Variants in PRKD1 observed in about 807,000 individuals in gnomAD.
The protein encoded by PRKD1 is serine/threonine-protein kinase D1.
PRKD1 carries 63 observed loss-of-function variants against 95.9 expected under a neutral mutation model. The ratio of observed to expected loss-of-function variants is 0.66; its 90% CI spans 0.54 to 0.81. The LOEUF (loss-of-function observed/expected upper bound fraction) is 0.81, where lower values mean the gene tolerates loss of function less well. PRKD1 is among the 30% of genes least tolerant of loss of function. The pLI, the probability that PRKD1 is intolerant of heterozygous loss-of-function variation, is 0.00. For synonymous variants in PRKD1, 425 were observed against 423.1 expected (o/e 1.00, Z -0.05); for missense variants, 1,048 against 1,165.3 (o/e 0.90, Z 1.47).
chr14:29,674,833 A>T (rs572927822), intron 2 of PRKD1, among the ~76,000 whole-genome samples: 37 of 152,340 alleles, frequency 2.4e-4, no homozygotes, highest in African/African-American at 8.2e-4. Context: ...GACAAATAGC[A>T]TCACTGTTGT....
intron 1 of PRKD1, among the ~76,000 whole-genome samples, chr14:29,731,567 CT>C (rs1886437333): frequency 6.6e-6 from 1 of 151,872 alleles, no homozygotes; most frequent in Non-Finnish European, 1.5e-5. Flanking sequence ...ATTTTTTTCT[CT>C]TTTTCCTTTC....
At chr14:29,781,991 G>C (rs555408323) in intron 1 of PRKD1, among the ~76,000 whole-genome samples, 6 of 152,256 alleles carry the variant, frequency 3.9e-5, no homozygotes, top group Admixed American at 3.9e-4. Context: ...ATCTTGTCAA[G>C]AATATCCATA....
intron 16 of PRKD1, among the ~76,000 whole-genome samples, chr14:29,585,621 C>G (rs2138968248): frequency 6.6e-6 from 1 of 152,142 alleles, no homozygotes; most frequent in South Asian, 2.1e-4. Context: ...TTTTAATGAA[C>G]TAGGCATATG....
At chr14:29,666,708 C>G (rs1195171167) in intron 2 of PRKD1, among the ~76,000 whole-genome samples, 1 of 151,946 alleles carries the variant, frequency 6.6e-6, no homozygotes, top group African/African-American at 2.4e-5. Context: ...TGAGTGGCTT[C>G]CTTATATAGG....
chr14:29,864,053 T>C (rs892830958), intron 1 of PRKD1, among the ~76,000 whole-genome samples: 9 of 152,116 alleles, frequency 5.9e-5, no homozygotes, highest in Non-Finnish European at 8.8e-5. Context: ...AAGGTATCAG[T>C]TAAAGCATAA....
intron 1 of PRKD1, among the ~76,000 whole-genome samples, chr14:29,763,212 G>A (rs1047011129): frequency 2.7e-4 from 40 of 149,762 alleles, no homozygotes; most frequent in African/African-American, 9.4e-4. Flanking sequence ...TGGGGGAAAC[G>A]GTTGAGCCCA....
chr14:29,663,720 A>T lies in PRKD1; in HGVS notation c.675T>A (p.Ser225Arg). The change falls in exon 4 of 18, where the codon AGT becomes AGA. Residue 225 changes from serine to arginine, a missense_variant. Physicochemically the swap from Ser to Arg is moderately radical, Grantham distance 110. Around this residue, in one of 3 missense-constraint regions of PRKD1, gnomAD observed 275 missense variants for 248.6 expected, o/e 1.11. Coordinates refer to ENST00000331968, the MANE Select transcript of PRKD1 (RefSeq NM_002742.3). The stretch of plus-strand genomic sequence containing the variant: ...ATACCAGAAGGGGCTCATCAGGGGC[A>T]CTTGTAGAGAGTTCAGCAGATGATG... ...IRTSSAELSTSAPDEPLLQKS... is the reference protein window; with the variant it reads ...IRTSSAELSTRAPDEPLLQKS... 1 of 1,613,838 alleles carries T rather than the reference A, an allele frequency of 6.2e-7. No individual in the cohort carries two copies.
At chr14:29,587,299 G>A (rs1015465196) in intron 16 of PRKD1, among the ~76,000 whole-genome samples, 5 of 152,176 alleles carry the variant, frequency 3.3e-5, no homozygotes, top group African/African-American at 7.2e-5. Flanking sequence ...CTTGGGAGCC[G>A]TACAGGGGTT....
At chr14:29,755,633 C>T (rs374690045) in intron 1 of PRKD1, among the ~76,000 whole-genome samples, 1 of 152,158 alleles carries the variant, frequency 6.6e-6, no homozygotes, top group African/African-American at 2.4e-5. Context: ...TTGCTCCTAA[C>T]TCCTTGGCCT....
intron 16 of PRKD1, among the ~76,000 whole-genome samples, chr14:29,596,868 A>T (rs1163562953): frequency 2.0e-5 from 3 of 152,316 alleles, no homozygotes; most frequent in Non-Finnish European, 4.4e-5. Flanking sequence ...GTCCTTTAAG[A>T]GGAAGGAAAT....
intron 1 of PRKD1, among the ~76,000 whole-genome samples, chr14:29,877,380 C>T (rs1340680883): frequency 6.6e-6 from 1 of 152,184 alleles, no homozygotes; most frequent in Admixed American, 6.5e-5. Context: ...CTTACAGATG[C>T]TGGATATTAC....
At chr14:29,658,787 G>GTTTTAC (rs1389848767) in intron 4 of PRKD1, among the ~76,000 whole-genome samples, 2 of 152,162 alleles carry the variant, frequency 1.3e-5, no homozygotes, top group Non-Finnish European at 2.9e-5. Flanking sequence ...CCAGAATGAT[G>GTTTTAC]TGGCATATTA....
intron 1 of PRKD1, among the ~76,000 whole-genome samples, chr14:29,869,392 A>G (rs1377722383): frequency 6.6e-6 from 1 of 151,908 alleles, no homozygotes; most frequent in Non-Finnish European, 1.5e-5. Context: ...GCAAGCAGAG[A>G]TCGCACCATT....
chr14:29,762,968 T>G (rs894679091), intron 1 of PRKD1, among the ~76,000 whole-genome samples: 4 of 151,896 alleles, frequency 2.6e-5, no homozygotes, highest in Non-Finnish European at 4.4e-5. Context: ...GATCTTGAAC[T>G]CGTGGCCTCA....
intron 3 of PRKD1, 137 bp from the exon 4 acceptor site, chr14:29,663,996 T>C (rs916869296): frequency 1.9e-5 from 18 of 946,208 alleles, no homozygotes; most frequent in Middle Eastern, 3.4e-4. Context: ...ACATTTTCTT[T>C]TGAACATTCT....
chr14:29,882,089 C>T (rs548251321), intron 1 of PRKD1, among the ~76,000 whole-genome samples: 1 of 151,676 alleles, frequency 6.6e-6, no homozygotes, highest in South Asian at 2.1e-4. Context: ...CAGCTCAATC[C>T]CTGACACAAC....
intron 1 of PRKD1, among the ~76,000 whole-genome samples, chr14:29,748,023 C>T (rs972976812): frequency 3.9e-5 from 6 of 152,110 alleles, no homozygotes; most frequent in East Asian, 1.9e-4. Context: ...GGATTACAGA[C>T]GTGAGCCACC....
chr14:29,803,046 G>A (rs1435597727), intron 1 of PRKD1, among the ~76,000 whole-genome samples: 1 of 152,176 alleles, frequency 6.6e-6, no homozygotes, highest in Admixed American at 6.5e-5. Flanking sequence ...AGACAGGCCA[G>A]GTCAAAAGCC....
At chr14:29,696,410 G>A (rs1430423773) in intron 2 of PRKD1, among the ~76,000 whole-genome samples, 5 of 152,116 alleles carry the variant, frequency 3.3e-5, no homozygotes, top group Admixed American at 3.3e-4. Flanking sequence ...TCCCAAATTT[G>A]AAATATCATT....
Sources: gnomAD v4.1 joint callset for allele counts (sites outside exome capture counted in the v4.1 genomes callset) on GRCh38, gnomAD v4.1.1 for gene constraint, gnomAD v4.1.1 regional missense constraint, MANE v1.5 for transcripts, NCBI Gene and HGNC (gene_info 2026-07-23, HGNC 2026-07-21) for gene names.